KCNN2: variants seen among roughly 807,000 people sequenced by gnomAD.
The protein encoded by KCNN2 is small conductance calcium-activated potassium channel protein 2.
KCNN2 carries 24 observed loss-of-function variants against 55.5 expected under a neutral mutation model. The observed-to-expected ratio is 0.43, with a 90% CI of 0.31 to 0.61. The LOEUF (loss-of-function observed/expected upper bound fraction) is 0.61. KCNN2 is among the 20% of genes least tolerant of loss of function. KCNN2 has a pLI of 0.08. For synonymous variants in KCNN2, 431 were observed against 336.1 expected (o/e 1.28, Z -3.09); for missense variants, 754 against 853.6 (o/e 0.88, Z 1.45).
intron 3 of KCNN2, among the ~76,000 whole-genome samples, chr5:114,406,782 C>A (rs1400425605): frequency 6.6e-6 from 1 of 152,044 alleles, no homozygotes; most frequent in African/African-American, 2.4e-5. Flanking sequence ...CTTTCTTGAA[C>A]CCCATTTCAC....
chr5:114,496,054 G>C lies in KCNN2; in HGVS notation c.2248G>C (p.Asp750His), dbSNP rs773004104. The change falls in exon 8 of 8, where the codon GAT (aspartate) becomes CAT (histidine). Residue 750 changes from aspartate to histidine, a missense_variant. By Grantham distance (81) the Asp-to-His change is moderately conservative. Transcript: ENST00000673685. The stretch of plus-strand genomic sequence containing the variant: ...CCAGACCATCAGGCAGCAGCAGAGA[G>C]ATTTCATTGAGGCTCAGATGGAGAG... ...ISQTIRQQQR[D>H]FIEAQMESYD... 3 of 1,613,948 alleles carry C rather than the reference G, an allele frequency of 1.9e-6. No homozygotes were observed. The highest frequency in any genetic ancestry group is 1.3e-5 in the African/African-American group (1 of 74,914).
intron 3 of KCNN2, among the ~76,000 whole-genome samples, chr5:114,449,976 G>A (rs13169372): frequency 0.19 from 29,436 of 151,838 alleles, 3,367 homozygotes; most frequent in Non-Finnish European, 0.26. Context: ...GGCTTTCCCT[G>A]CAGGGTATTC....
intron 2 of KCNN2, among the ~76,000 whole-genome samples, chr5:114,310,634 T>C (rs1756375631): frequency 6.6e-6 from 1 of 152,118 alleles, no homozygotes; most frequent in South Asian, 2.1e-4. Flanking sequence ...TGGGAACTTA[T>C]GAACAGAGAG....
chr5:114,085,142 A>C (rs1750987806), intron 1 of KCNN2, among the ~76,000 whole-genome samples: 2 of 151,862 alleles, frequency 1.3e-5, no homozygotes, highest in Admixed American at 1.3e-4. Context: ...TTGAAGTCAG[A>C]TAGTGTGTGT....
chr5:114,167,635 T>G (rs1162793025), intron 1 of KCNN2, among the ~76,000 whole-genome samples: 3 of 152,152 alleles, frequency 2.0e-5, no homozygotes, highest in Non-Finnish European at 4.4e-5. Context: ...TTTGTTATAT[T>G]TTGACCTCTT....
chr5:114,172,410 C>T (rs111619435), intron 1 of KCNN2, among the ~76,000 whole-genome samples: 18 of 151,668 alleles, frequency 1.2e-4, no homozygotes, highest in African/African-American at 4.1e-4. Context: ...CCCTCACCAA[C>T]TTACCAACTT....
intron 2 of KCNN2, among the ~76,000 whole-genome samples, chr5:114,370,607 A>C (rs141749566): frequency 2.0e-5 from 3 of 152,172 alleles, no homozygotes; most frequent in African/African-American, 7.2e-5. Context: ...TGAGACATAA[A>C]GGGAAAGAAG....
chr5:114,476,026 T>C (rs1292653328), intron 5 of KCNN2, among the ~76,000 whole-genome samples: 2 of 152,164 alleles, frequency 1.3e-5, no homozygotes, highest in African/African-American at 2.4e-5. Flanking sequence ...AATTCTGTTA[T>C]TTCATTACTA....
intron 1 of KCNN2, among the ~76,000 whole-genome samples, chr5:114,205,414 C>A (rs1045572383): frequency 3.3e-5 from 5 of 152,026 alleles, no homozygotes; most frequent in African/African-American, 1.2e-4. Flanking sequence ...TTTATTTTGT[C>A]TTTTTTGGAT....
At chr5:114,287,766 A>AT (rs1755785551) in intron 2 of KCNN2, among the ~76,000 whole-genome samples, 1 of 148,574 alleles carries the variant, frequency 6.7e-6, no homozygotes, top group Non-Finnish European at 1.5e-5. Context: ...AAAAAAAAAA[A>AT]AGAAGAAGAA....
chr5:114,229,268 T>A (rs1043283337), intron 2 of KCNN2, among the ~76,000 whole-genome samples: 2 of 151,810 alleles, frequency 1.3e-5, no homozygotes, highest in Non-Finnish European at 2.9e-5. Context: ...TATTCTCTTT[T>A]ATTATCTACT....
chr5:114,475,774 G>C (rs570620752), intron 5 of KCNN2, among the ~76,000 whole-genome samples: 1 of 152,040 alleles, frequency 6.6e-6, no homozygotes, highest in African/African-American at 2.4e-5. Flanking sequence ...TATGGATCCA[G>C]GATCTAGATC....
intron 2 of KCNN2, among the ~76,000 whole-genome samples, chr5:114,292,330 G>A (rs1436865184): frequency 3.9e-5 from 6 of 152,036 alleles, no homozygotes; most frequent in East Asian, 1.9e-4. Flanking sequence ...TTTAGGTCTA[G>A]CATGTAAGTC....
At chr5:114,060,841 C>T (rs1750311681) in intron 1 of KCNN2, among the ~76,000 whole-genome samples, 1 of 152,214 alleles carries the variant, frequency 6.6e-6, no homozygotes, top group Non-Finnish European at 1.5e-5. Flanking sequence ...ATTTTCCAAG[C>T]CATTTAATTG....
At position 114,475,255 on chromosome 5, in the gene KCNN2, T is replaced by C. The variant is rs1464344380; in HGVS notation, c.1890+2091T>C. Among the ~76,000 whole-genome samples, 4 of 151,898 alleles carry C rather than the reference T, an allele frequency of 2.6e-5. No homozygotes were observed. In the East Asian group the frequency reaches 7.8e-4, roughly 29 times the overall value. On this transcript the variant is annotated intron_variant, in intron 5 of 7. Coordinates refer to ENST00000673685, the MANE Select transcript of KCNN2 (RefSeq NM_021614.4). ...GCTGTATTCCAGGGCCTCTCAACCT[T>C]GGCACTCGTGACTTTTTTGGCTGAA... is the stretch of plus-strand genomic sequence containing the variant.
intron 1 of KCNN2, among the ~76,000 whole-genome samples, chr5:114,081,535 G>C (rs534621153): frequency 2.6e-5 from 4 of 152,306 alleles, no homozygotes; most frequent in African/African-American, 9.6e-5. Context: ...AATGGAGAAA[G>C]TGCTTTCAGC....
At chr5:114,195,821 A>C (rs1009283036) in intron 1 of KCNN2, among the ~76,000 whole-genome samples, 2 of 152,034 alleles carry the variant, frequency 1.3e-5, no homozygotes, top group African/African-American at 4.8e-5. Context: ...TATTAGCCGT[A>C]GGTTTTTTGT....
chr5:114,361,911 A>C (rs1757432587), upstream of KCNN2: 1 of 153,180 alleles, frequency 6.5e-6, no homozygotes, highest in African/African-American at 2.4e-5. Context: ...TTTCTCTGCC[A>C]CACACGCTTC....
Position 114,363,985 on chromosome 5 carries a change from A to G in KCNN2, c.1202A>G (p.His401Arg). The G allele has an allele frequency of 1.2e-6, 2 of 1,613,576 alleles. No homozygotes were observed. The highest frequency in any genetic ancestry group is 1.7e-6 in the Non-Finnish European group (2 of 1,179,520). The stretch of plus-strand genomic sequence containing the variant: ...CTGCTCGGTCTGATCATCGTGTACC[A>G]CGCCAGGGAAATACAGGTAACTTAG... ...IILLGLIIVY[H>R]AREIQLFMVD... Residue 401 changes from histidine (H) to arginine (R), a missense_variant, in exon 2 of 8, where the codon CAC (histidine) becomes CGC (arginine). By Grantham distance (29) the His-to-Arg change is conservative. Coordinates refer to ENST00000673685, the MANE Select transcript of KCNN2 (RefSeq NM_021614.4).
Sources: gnomAD v4.1 joint callset for allele counts (sites outside exome capture counted in the v4.1 genomes callset) on GRCh38, gnomAD v4.1.1 for gene constraint, MANE v1.5 for transcripts, NCBI Gene and HGNC (gene_info 2026-07-23, HGNC 2026-07-21) for gene names.